DACH2: variants seen among roughly 807,000 people sequenced by gnomAD.
DACH2 encodes dachshund homolog 2.
DACH2 carries 17 observed loss-of-function variants against 35.8 expected under a neutral mutation model. The ratio of observed to expected loss-of-function variants is 0.48; its 90% confidence interval spans 0.33 to 0.71. The LOEUF is 0.71. Ranked by LOEUF, DACH2 falls within the 30% of genes least tolerant of loss-of-function variation. The probability of loss-of-function intolerance (pLI) is 0.02; values close to 1 mark genes in which losing one functional copy is unlikely to be tolerated. For missense variants in DACH2, 469 were observed against 472.7 expected (o/e 0.99, Z 0.07); for synonymous variants, 195 against 177.3 (o/e 1.10, Z -0.79).
intron 5 of DACH2, among the ~76,000 whole-genome samples, chrX:86,698,521 GTTTTTT>G (rs767152609): frequency 6.1e-5 from 2 of 32,957 alleles, no homozygotes; most frequent in African/African-American, 1.5e-4. Context: ...TTAGTTTTGT[GTTTTTT>G]TTTTTTTTTT....
chrX:86,156,814 A>G (rs895947762), intron 1 of DACH2, among the ~76,000 whole-genome samples: 1 of 111,376 alleles, frequency 9.0e-6, no homozygotes, highest in Non-Finnish European at 1.9e-5. Flanking sequence ...TGAGTTGGTA[A>G]AAGGAGGGTT....
chrX:86,397,705 C>G (rs749065002), intron 2 of DACH2, among the ~76,000 whole-genome samples: 3 of 111,357 alleles, frequency 2.7e-5, no homozygotes, highest in African/African-American at 9.8e-5. Flanking sequence ...ATTGATTTTC[C>G]TATGTTGAAC....
intron 11 of DACH2, among the ~76,000 whole-genome samples, chrX:86,821,194 C>G (rs747902279): frequency 9.6e-4 from 106 of 110,970 alleles, no homozygotes; most frequent in African/African-American, 3.2e-3. Flanking sequence ...TAATTTCCCT[C>G]CCATTGATGC....
At chrX:86,541,437 G>A (rs942566176) in intron 3 of DACH2, among the ~76,000 whole-genome samples, 7 of 110,473 alleles carry the variant, frequency 6.3e-5, no homozygotes, top group Non-Finnish European at 1.1e-4. Flanking sequence ...TTGTTAACCT[G>A]GAATATATAC....
At chrX:86,542,311 C>T (rs764722490) in intron 3 of DACH2, among the ~76,000 whole-genome samples, 1 of 111,576 alleles carries the variant, frequency 9.0e-6, no homozygotes, top group Non-Finnish European at 1.9e-5. Flanking sequence ...GTGTTTGGGC[C>T]ATGAGTGTGA....
At chrX:86,430,078 A>C (rs2036961898) in intron 2 of DACH2, among the ~76,000 whole-genome samples, 1 of 112,211 alleles carries the variant, frequency 8.9e-6, no homozygotes, top group African/African-American at 3.2e-5. Flanking sequence ...AATTGATATA[A>C]TATTGTGGCA....
chrX:86,219,238 A>G (rs2032646474), intron 1 of DACH2, among the ~76,000 whole-genome samples: 2 of 110,734 alleles, frequency 1.8e-5, no homozygotes, highest in Non-Finnish European at 3.8e-5. Flanking sequence ...TATGGTCTCT[A>G]GGGAATTTTC....
chrX:86,526,179 T>TA (rs369732538), intron 3 of DACH2, among the ~76,000 whole-genome samples: 11 of 110,002 alleles, frequency 1.0e-4, no homozygotes, highest in South Asian at 3.8e-4. Flanking sequence ...GTATCCTTCT[T>TA]AAAAAAAAAT....
chrX:86,721,521 T>A (rs2148465658), intron 6 of DACH2, among the ~76,000 whole-genome samples: 1 of 111,752 alleles, frequency 8.9e-6, no homozygotes, highest in South Asian at 3.8e-4. Flanking sequence ...CATATCACTG[T>A]CAGCATTTTG....
chrX:86,463,761 T>C (rs761190223), intron 2 of DACH2, among the ~76,000 whole-genome samples: 4 of 111,254 alleles, frequency 3.6e-5, no homozygotes, highest in African/African-American at 1.3e-4. Flanking sequence ...GGAGAAAATT[T>C]TTGCAATCTT....
chrX:86,467,448 G>A (rs1010273020), intron 2 of DACH2, among the ~76,000 whole-genome samples: 1 of 111,625 alleles, frequency 9.0e-6, no homozygotes, highest in Admixed American at 9.6e-5. Flanking sequence ...CATTCAACAA[G>A]TCTCTAGGAA....
intron 2 of DACH2, among the ~76,000 whole-genome samples, chrX:86,509,849 T>C (rs993392439): frequency 8.9e-6 from 1 of 112,178 alleles, no homozygotes; most frequent in African/African-American, 3.2e-5. Context: ...CACATTCAGG[T>C]ACTATCTCAA....
chrX:86,300,772 T>C lies in DACH2; in HGVS notation c.489-76052T>C, dbSNP rs988478477. 3.6e-5 allele frequency among the ~76,000 whole-genome samples: 4 copies of C among 112,419 alleles called. No individual in the cohort carries two copies. In the East Asian group the frequency reaches 8.4e-4, roughly 24 times the overall value. ...ATTTAAATGCTCAGTGGCTTTATAC[T>C]TGAATACTTGACTATACAATTTATA... On this transcript the variant is annotated intron_variant, in intron 1 of 11. Transcript: ENST00000373125.
chrX:86,287,587 T>C (rs989912032), intron 1 of DACH2, among the ~76,000 whole-genome samples: 1 of 111,777 alleles, frequency 8.9e-6, no homozygotes, highest in African/African-American at 3.2e-5. Flanking sequence ...TGTCTTTTTC[T>C]TTTATCTCTT....
chrX:86,605,447 T>C (rs1272559439), intron 3 of DACH2, among the ~76,000 whole-genome samples: 3 of 110,900 alleles, frequency 2.7e-5, no homozygotes, highest in Non-Finnish European at 5.7e-5. Flanking sequence ...TATAAAGATG[T>C]CACCCATTTC....
At chrX:86,396,884 T>C (rs2036306506) in intron 2 of DACH2, among the ~76,000 whole-genome samples, 1 of 111,026 alleles carries the variant, frequency 9.0e-6, no homozygotes, top group Admixed American at 9.6e-5. Flanking sequence ...TCTTTTTTGG[T>C]TCCATATGAA....
intron 6 of DACH2, among the ~76,000 whole-genome samples, chrX:86,739,288 A>G (rs181021582): frequency 0.01 from 1,131 of 111,770 alleles, 7 homozygotes; most frequent in Non-Finnish European, 0.014. Flanking sequence ...AGAAAAGCTC[A>G]ACATGTGCCA....
intron 1 of DACH2, among the ~76,000 whole-genome samples, chrX:86,316,525 A>T (rs751206747): frequency 9.1e-6 from 1 of 110,030 alleles, no homozygotes; most frequent in Non-Finnish European, 1.9e-5. Flanking sequence ...TCTGCAGGGG[A>T]CTCTTTTCAC....
At chrX:86,406,291 G>A (rs2036526867) in intron 2 of DACH2, among the ~76,000 whole-genome samples, 1 of 111,948 alleles carries the variant, frequency 8.9e-6, no homozygotes, top group Non-Finnish European at 1.9e-5. Context: ...GAGAGGAACA[G>A]AAAACTAAAT....
Sources: gnomAD v4.1 joint callset for allele counts (sites outside exome capture counted in the v4.1 genomes callset) on GRCh38, gnomAD v4.1.1 for gene constraint, MANE v1.5 for transcripts, NCBI Gene and HGNC (gene_info 2026-07-23, HGNC 2026-07-21) for gene names.